The following EBLN1 variants were observed in gnomAD, a reference collection of about 807,000 sequenced individuals.
EBLN1 encodes endogenous Bornavirus-like nucleoprotein 1.
A neutral mutation model predicts 0.8 loss-of-function variants in EBLN1; 1 was observed. That is an observed-to-expected ratio of 1.32 (90% CI 0.47 to 6.26). The LOEUF is 6.26. EBLN1 is among the 30% of genes most tolerant of loss of function. The pLI is 0.15. For missense variants in EBLN1, 396 were observed against 447.9 expected, an observed-to-expected ratio of 0.88 and a Z score of 1.05; for synonymous variants, 158 against 158.5, an observed-to-expected ratio of 1.00 and a Z score of 0.02.
In EBLN1 at chr10:22,209,937, C is replaced by T. The variant is rs1834734925; in HGVS notation, c.47G>A (p.Ser16Asn). Reference protein sequence around the residue: ...NNPQTSSPQDSTKDGSSFHYF... With the variant: ...NNPQTSSPQDNTKDGSSFHYF... ...ATGGAAGCTGCTCCCATCCTTTGTACTGTCTTGTGGGCTGCTGGTCTGTGG... is the reference window on the plus strand; with the variant it reads ...ATGGAAGCTGCTCCCATCCTTTGTATTGTCTTGTGGGCTGCTGGTCTGTGG... Residue 16 changes from serine to asparagine, a missense_variant, in exon 3 of 3, where the codon AGT becomes AAT. Coordinates refer to ENST00000422359, the MANE Select transcript of EBLN1 (RefSeq NM_001394757.1). 6.9e-7 allele frequency: 1 copy of T among 1,455,236 alleles called. No individual in the cohort carries two copies. Among genetic ancestry groups the T allele is most frequent in the Non-Finnish European group, 9.0e-7 (1 of 1,110,308 alleles). 90.1% of individuals were successfully genotyped at this position (1,455,236 alleles called of 1,614,324 possible).
intron 1 of EBLN1, among the ~76,000 whole-genome samples, chr10:22,213,277 TTTGA>T (rs1474299904): frequency 6.6e-6 from 1 of 152,234 alleles, no homozygotes; most frequent in African/African-American, 2.4e-5. Flanking sequence ...TCACATATAG[TTTGA>T]TTATTTGTAT....
At chr10:22,211,053 C>T (rs76453751) in intron 2 of EBLN1, among the ~76,000 whole-genome samples, 2,037 of 152,288 alleles carry the variant, frequency 0.013, 51 homozygotes, top group African/African-American at 0.046. Flanking sequence ...TTAAAGCTGA[C>T]GCAATCACCA....
intron 1 of EBLN1, among the ~76,000 whole-genome samples, chr10:22,213,320 CAG>C (rs1223438893): frequency 6.6e-6 from 1 of 152,098 alleles, no homozygotes; most frequent in African/African-American, 2.4e-5. Context: ...AAGTAGAAAA[CAG>C]ATTTTTTCGA....
chr10:22,211,931 C>T (rs559594377), intron 2 of EBLN1, among the ~76,000 whole-genome samples: 1 of 152,302 alleles, frequency 6.6e-6, no homozygotes, highest in Non-Finnish European at 1.5e-5. Context: ...CCTTCTTAAT[C>T]CCATGTCTCA....
chr10:22,211,578 G>A (rs1231120921), intron 2 of EBLN1, among the ~76,000 whole-genome samples: 1 of 151,906 alleles, frequency 6.6e-6, no homozygotes, highest in East Asian at 1.9e-4. Context: ...CAGCAGCCTC[G>A]ACCTCCCTGT....
chr10:22,212,242 T>C (rs1245727271), intron 2 of EBLN1, among the ~76,000 whole-genome samples: 1 of 152,210 alleles, frequency 6.6e-6, no homozygotes. Context: ...ATTAATAACT[T>C]GAACTGTCCA....
intron 1 of EBLN1, among the ~76,000 whole-genome samples, chr10:22,213,685 G>C (rs929283633): frequency 5.9e-5 from 9 of 152,144 alleles, no homozygotes; most frequent in Non-Finnish European, 1.2e-4. Context: ...CTATAACCAG[G>C]GAGATATACC....
At chr10:22,214,040 A>C (rs537932134) in intron 1 of EBLN1, among the ~76,000 whole-genome samples, 77 of 152,324 alleles carry the variant, frequency 5.1e-4, no homozygotes, top group African/African-American at 1.7e-3. Context: ...TTAATAATCA[A>C]TAAAAGAGGC....
At chr10:22,216,817 A>C (rs187898579) in intron 1 of EBLN1, among the ~76,000 whole-genome samples, 3 of 152,360 alleles carry the variant, frequency 2.0e-5, no homozygotes, top group Admixed American at 2.0e-4. Context: ...AAGTTTAATC[A>C]AGAATCACGA....
chr10:22,213,042 C>G (rs1324197963), intron 1 of EBLN1, among the ~76,000 whole-genome samples, 77 bp from the exon 2 acceptor site: 4 of 151,794 alleles, frequency 2.6e-5, no homozygotes, highest in Non-Finnish European at 5.9e-5. Flanking sequence ...ACATACAGGT[C>G]TGTAGCCTAC....
At chr10:22,215,258 C>G (rs1834783717) in intron 1 of EBLN1, among the ~76,000 whole-genome samples, 2 of 152,138 alleles carry the variant, frequency 1.3e-5, no homozygotes, top group South Asian at 4.1e-4. Context: ...ACTCAAAAGT[C>G]ACTCAACTGT....
rs978670085 is a variant in EBLN1, at chr10:22,209,336, G to T, written c.648C>A (p.Ser216=). ...MFTFLFGEFE[S]PACELLDQVK... is the part of the protein sequence containing the mutation. ...CTTGATCAAGTAGCTCGCACGCAGG[G>T]GATTCAAATTCTCCAAATAGAAATG... is the stretch of plus-strand genomic sequence containing the variant. Residue 216 remains serine, a synonymous_variant, in exon 3 of 3, where the codon TCC becomes TCA. Transcript: ENST00000422359. 1 of 1,603,880 alleles carries T rather than the reference G, an allele frequency of 6.2e-7. No homozygotes were observed. Among genetic ancestry groups the T allele is most frequent in the Non-Finnish European group, 8.5e-7 (1 of 1,179,804 alleles).
chr10:22,209,864 T>G lies in EBLN1; in HGVS notation c.120A>C (p.Pro40=), dbSNP rs1407527931. 5 of 1,523,668 alleles carry G rather than the reference T, an allele frequency of 3.3e-6. No individual in the cohort carries two copies. Among genetic ancestry groups the G allele is most frequent in the African/African-American group, 2.8e-5 (2 of 72,592 alleles). The allele number at this position is 1,523,668 out of a possible 1,614,324, so 94.4% of individuals were successfully genotyped here. Residue 40 remains proline (P), a synonymous_variant, in exon 3 of 3, where the codon CCA becomes CCC. Coordinates refer to ENST00000422359, the MANE Select transcript of EBLN1 (RefSeq NM_001394757.1). The part of the protein sequence containing the change: ...FELSGKSRQY[P]ADALEPQPGI... Reference sequence around the variant, plus strand: ...CAGGTTGGGGCTCCAATGCATCTGCTGGATACTGTCTGCTCTTCCCAGAGA... The same window carrying G: ...CAGGTTGGGGCTCCAATGCATCTGCGGGATACTGTCTGCTCTTCCCAGAGA...
intron 2 of EBLN1, among the ~76,000 whole-genome samples, chr10:22,210,297 T>C (rs1469728678): frequency 6.6e-6 from 1 of 152,192 alleles, no homozygotes; most frequent in Admixed American, 6.5e-5. Context: ...ACCACTCATT[T>C]CGAGCACAAA....
chr10:22,215,127 G>A (rs191655768), intron 1 of EBLN1, among the ~76,000 whole-genome samples: 55 of 152,228 alleles, frequency 3.6e-4, no homozygotes, highest in African/African-American at 1.3e-3. Flanking sequence ...GTATGCCTAG[G>A]TCTGTAAAGG....
chr10:22,212,692 T>C (rs1035490832), intron 2 of EBLN1, among the ~76,000 whole-genome samples, 150 bp downstream of exon 2: 3 of 151,928 alleles, frequency 2.0e-5, no homozygotes, highest in African/African-American at 7.3e-5. Flanking sequence ...CTCGTGCCTG[T>C]AATCTTAAGT....
At chr10:22,216,741 T>C (rs760546590) in intron 1 of EBLN1, among the ~76,000 whole-genome samples, 1 of 152,222 alleles carries the variant, frequency 6.6e-6, no homozygotes, top group Non-Finnish European at 1.5e-5. Flanking sequence ...AATTTATAAA[T>C]TGTGCTAATA....
intron 2 of EBLN1, 58 bp from the exon 3 acceptor site, chr10:22,210,085 TA>T: frequency 8.1e-7 from 1 of 1,227,712 alleles, no homozygotes; most frequent in Non-Finnish European, 1.0e-6. Context: ...CATTTATTAA[TA>T]AAATGTATTA....
intron 2 of EBLN1, among the ~76,000 whole-genome samples, chr10:22,211,534 C>T (rs1024771411): frequency 3.9e-5 from 6 of 151,966 alleles, no homozygotes; most frequent in Admixed American, 3.3e-4. Context: ...ACTTTATCAC[C>T]CAGGCTGGAG....
Sources: allele counts gnomAD v4.1 joint callset (sites outside exome capture counted in the v4.1 genomes callset), GRCh38; gene constraint gnomAD v4.1.1; transcripts MANE v1.5; gene names NCBI Gene and HGNC (gene_info 2026-07-23, HGNC 2026-07-21).